The following RUFY1 variants were observed in gnomAD, a reference collection of about 807,000 sequenced individuals.
The protein encoded by RUFY1 is RUN and FYVE domain-containing protein 1.
In RUFY1, 54 loss-of-function variants were observed where a neutral mutation model predicts 94.6. That is an observed-to-expected ratio of 0.57 (90% CI 0.46 to 0.72). The LOEUF is 0.72. Ranked by LOEUF, RUFY1 falls within the 30% of genes least tolerant of loss-of-function variation. The probability of loss-of-function intolerance (pLI) is 0.00; values close to 1 mark genes in which losing one functional copy is unlikely to be tolerated. For synonymous variants in RUFY1, 396 were observed against 347.3 expected (o/e 1.14, Z -1.56); for missense variants, 883 against 883.9 (o/e 1.00, Z 0.01).
At chr5:179,557,751 T>G (rs1762179348) in intron 1 of RUFY1, among the ~76,000 whole-genome samples, 1 of 151,920 alleles carries the variant, frequency 6.6e-6, no homozygotes, top group Non-Finnish European at 1.5e-5. Context: ...AAATTTAATT[T>G]TCTAAATTTA....
intron 5 of RUFY1, among the ~76,000 whole-genome samples, chr5:179,573,346 T>C (rs1449188104): frequency 6.6e-6 from 1 of 152,218 alleles, no homozygotes; most frequent in Non-Finnish European, 1.5e-5. Flanking sequence ...TAGTGCTATC[T>C]TGAATGGCAG....
At position 179,591,655 on chromosome 5, in the gene RUFY1, G is replaced by A; in HGVS notation, c.1159G>A (p.Glu387Lys). 6.2e-7 allele frequency: 1 copy of A among 1,613,112 alleles called. No homozygotes were observed. Among genetic ancestry groups the A allele is most frequent in the Non-Finnish European group, 8.5e-7 (1 of 1,179,566 alleles). The change falls in exon 10 of 18, where the codon GAG becomes AAG. Residue 387 changes from glutamate to lysine, a missense_variant. By Grantham distance (56) the Glu-to-Lys change is moderately conservative (BLOSUM62 1). Transcript: ENST00000319449. The part of the protein sequence containing the change: ...ITKQDTKVEL[E>K]TYKQTRQGLD... ...AAAACAGGATACCAAAGTTGAGCTGGAGACTTACAAGCAAACTCGGCAAGG... is the reference window on the plus strand; with the variant it reads ...AAAACAGGATACCAAAGTTGAGCTGAAGACTTACAAGCAAACTCGGCAAGG...
intron 6 of RUFY1, among the ~76,000 whole-genome samples, chr5:179,579,340 T>C (rs539137311): frequency 1.3e-5 from 2 of 152,352 alleles, no homozygotes; most frequent in South Asian, 2.1e-4. Flanking sequence ...TTCTTTTTTT[T>C]TGAGACAGTT....
Position 179,598,784 on chromosome 5 carries a change from T to A in RUFY1, c.1724T>A (p.Leu575His). 1 of 1,614,142 alleles carries A rather than the reference T, an allele frequency of 6.2e-7. No individual in the cohort carries two copies. The highest frequency in any genetic ancestry group is 8.5e-7 in the Non-Finnish European group (1 of 1,180,012). ...CACGAGAAAGACACTTCCTCTCTAC[T>A]CAGGATGGAGCTGCAACAAGTGGAA... ...LQHEKDTSSL[L>H]RMELQQVEGL... The change falls in exon 14 of 18, where the codon CTC becomes CAC. Residue 575 changes from leucine to histidine, a missense_variant. Leu to His is a moderately conservative substitution (Grantham distance 99). Transcript: ENST00000319449.
chr5:179,591,645 A>C lies in RUFY1; in HGVS notation c.1149A>C (p.Lys383Asn). ...KSVEITKQDT[K>N]VELETYKQTR... ...TACAGATAACAAAACAGGATACCAA[A>C]GTTGAGCTGGAGACTTACAAGCAAA... is the stretch of plus-strand genomic sequence containing the variant. Residue 383 changes from lysine to asparagine, a missense_variant, in exon 10 of 18, where the codon AAA becomes AAC. Transcript: ENST00000319449. 6.2e-7 allele frequency: 1 copy of C among 1,612,458 alleles called. No homozygotes were observed. The highest frequency in any genetic ancestry group is 8.5e-7 in the Non-Finnish European group (1 of 1,179,088).
intron 6 of RUFY1, among the ~76,000 whole-genome samples, chr5:179,577,573 C>A (rs1344818058): frequency 9.5e-6 from 1 of 105,566 alleles, no homozygotes; most frequent in Non-Finnish European, 1.9e-5. Context: ...CGAGGCCGGG[C>A]GTGGTGGGGC....
chr5:179,585,998 T>C, intron 8 of RUFY1, 133 bp downstream of exon 8: 1 of 699,530 alleles, frequency 1.4e-6, no homozygotes, highest in Middle Eastern at 2.4e-4. Context: ...CTACCCCACG[T>C]GGGACAGGAG....
chr5:179,559,946 C>G (rs568899310), intron 1 of RUFY1, 79 bp from the exon 2 acceptor site: 33 of 1,524,898 alleles, frequency 2.2e-5, no homozygotes, highest in Non-Finnish European at 2.7e-5. Context: ...CTGCCTGACC[C>G]GTCTTCTCAC....
intron 6 of RUFY1, among the ~76,000 whole-genome samples, chr5:179,577,554 C>T (rs1045055848): frequency 1.5e-5 from 2 of 135,596 alleles, no homozygotes; most frequent in Non-Finnish European, 3.1e-5. Flanking sequence ...CGAAGACTAG[C>T]GGAGGCTCCG....
chr5:179,598,065 C>G (rs1765861165), intron 13 of RUFY1, among the ~76,000 whole-genome samples: 1 of 152,092 alleles, frequency 6.6e-6, no homozygotes, highest in African/African-American at 2.4e-5. Flanking sequence ...TGGCGTGTGC[C>G]TGTAATCCCA....
chr5:179,551,621 G>A (rs1761856987), intron 1 of RUFY1, among the ~76,000 whole-genome samples: 1 of 147,526 alleles, frequency 6.8e-6, no homozygotes. Flanking sequence ...TCAGCCTCCC[G>A]AGTAGCTGGG....
Position 179,550,741 on chromosome 5 carries a change from GCGGCCGAGGGCT to G in RUFY1, c.173_184del (p.Ala58_Trp62delinsGly). On this transcript the variant is annotated inframe_deletion, in exon 1 of 18. Transcript: ENST00000319449. Reference sequence around the variant, plus strand: ...CCTGCGGAGCGCAACGAGGCCGCGGGCGGCCGAGGGCTGGTCGGCGCCCATCCTGACCCTGGC... The same window carrying G: ...CCTGCGGAGCGCAACGAGGCCGCGGGGGTCGGCGCCCATCCTGACCCTGGC... 5 of 1,456,620 alleles carry G rather than the reference GCGGCCGAGGGCT, an allele frequency of 3.4e-6. No homozygotes were observed. Among genetic ancestry groups the G allele is most frequent in the Non-Finnish European group, 4.5e-6 (5 of 1,105,668 alleles). The allele number at this position is 1,456,620 out of a possible 1,614,324, so 90.2% of individuals were successfully genotyped here.
chr5:179,573,217 C>T (rs1256967469), intron 5 of RUFY1, among the ~76,000 whole-genome samples: 1 of 152,116 alleles, frequency 6.6e-6, no homozygotes, highest in Non-Finnish European at 1.5e-5. Context: ...ACTTCTGTTT[C>T]AAATATTTCT....
rs1351597606 is a variant in RUFY1, at chr5:179,607,675, A to T, written c.1983+16A>T. The T allele has an allele frequency of 6.2e-7, 1 of 1,602,750 alleles. No individual in the cohort carries two copies. Among genetic ancestry groups the T allele is most frequent in the East Asian group, 2.2e-5 (1 of 44,830 alleles). ...CCGGAGAAAGGTACGTGGGGGCTCCACCCACCCTCCCAGTGCCCTGAGTCG... is the reference window on the plus strand; with the variant it reads ...CCGGAGAAAGGTACGTGGGGGCTCCTCCCACCCTCCCAGTGCCCTGAGTCG... On this transcript the variant is annotated intron_variant, in intron 17 of 17. Transcript: ENST00000319449.
At chr5:179,596,850 G>A (rs1344750618) in intron 13 of RUFY1, 169 bp downstream of exon 13, 3 of 886,326 alleles carry the variant, frequency 3.4e-6, no homozygotes, top group East Asian at 5.8e-5. Context: ...TTATCCCTAG[G>A]GAGCTCCCTC....
chr5:179,585,642 A>G (rs1764547509), intron 7 of RUFY1, among the ~76,000 whole-genome samples, 154 bp from the exon 8 acceptor site: 1 of 152,208 alleles, frequency 6.6e-6, no homozygotes, highest in African/African-American at 2.4e-5. Flanking sequence ...TTGCAAATGT[A>G]TATTTAGAAT....
intron 5 of RUFY1, among the ~76,000 whole-genome samples, chr5:179,573,464 C>T (rs1038726948): frequency 3.3e-5 from 5 of 152,070 alleles, no homozygotes; most frequent in African/African-American, 1.2e-4. Context: ...TGCGGTTTCT[C>T]ACGTTTAGAG....
chr5:179,578,490 A>G (rs1347534423), intron 6 of RUFY1, among the ~76,000 whole-genome samples: 1 of 151,932 alleles, frequency 6.6e-6, no homozygotes. Flanking sequence ...AAGTGCTGGG[A>G]TTACAGGCGT....
chr5:179,582,959 T>G (rs540065915), intron 7 of RUFY1, among the ~76,000 whole-genome samples: 25 of 152,304 alleles, frequency 1.6e-4, no homozygotes, highest in Middle Eastern at 3.4e-3. Context: ...AGCTTTTCCT[T>G]ATGCCTGGGA....
Sources: gnomAD v4.1 joint callset for allele counts (sites outside exome capture counted in the v4.1 genomes callset) on GRCh38, gnomAD v4.1.1 for gene constraint, MANE v1.5 for transcripts, NCBI Gene and HGNC (gene_info 2026-07-23, HGNC 2026-07-21) for gene names.